The following GALNT10 variants were observed in gnomAD, a reference collection of about 807,000 sequenced individuals.
The protein encoded by GALNT10 is polypeptide N-acetylgalactosaminyltransferase 10, also known as GalNAc transferase 10.
In GALNT10, 41 loss-of-function variants were observed where a neutral mutation model predicts 75.0. The observed-to-expected ratio is 0.55, with a 90% CI of 0.43 to 0.71. GALNT10 has a LOEUF of 0.71. GALNT10 is among the 30% of genes least tolerant of loss of function. The pLI is 0.00. For synonymous variants in GALNT10, 302 were observed against 313.0 expected, an observed-to-expected ratio of 0.96 and a Z score of 0.37; for missense variants, 727 against 818.5, an observed-to-expected ratio of 0.89 and a Z score of 1.36.
chr5:154,268,744 T>C (rs1457554297), intron 1 of GALNT10, among the ~76,000 whole-genome samples: 1 of 152,214 alleles, frequency 6.6e-6, no homozygotes, highest in Non-Finnish European at 1.5e-5. Context: ...TAATAAAGTT[T>C]AAATTATACT....
intron 1 of GALNT10, among the ~76,000 whole-genome samples, chr5:154,227,951 C>G (rs986594827): frequency 6.6e-6 from 1 of 152,022 alleles, no homozygotes; most frequent in Non-Finnish European, 1.5e-5. Context: ...AGGTGGATCC[C>G]TCATGGCTTG....
intron 2 of GALNT10, among the ~76,000 whole-genome samples, chr5:154,295,297 T>G (rs1190082304): frequency 6.6e-6 from 1 of 152,176 alleles, no homozygotes; most frequent in Non-Finnish European, 1.5e-5. Flanking sequence ...GAGCCAGCAT[T>G]TATTGAACAC....
chr5:154,218,044 C>G (rs147603554), intron 1 of GALNT10: 1 of 985,044 alleles, frequency 1.0e-6, no homozygotes, highest in Admixed American at 6.1e-5. Flanking sequence ...TTCCCCACCC[C>G]AGCCTGGGCA....
At chr5:154,410,019 CAATTT>C (rs1756364272) in intron 9 of GALNT10, among the ~76,000 whole-genome samples, 1 of 152,132 alleles carries the variant, frequency 6.6e-6, no homozygotes, top group Admixed American at 6.6e-5. Context: ...TATGCAGTGA[CAATTT>C]AAAATTCAGA....
intron 1 of GALNT10, among the ~76,000 whole-genome samples, chr5:154,246,984 G>A (rs1753436030): frequency 6.6e-6 from 1 of 152,160 alleles, no homozygotes; most frequent in Non-Finnish European, 1.5e-5. Context: ...ATTAATTTTT[G>A]TATAAGGTGT....
chr5:154,199,856 G>T (rs1442591670), intron 1 of GALNT10, among the ~76,000 whole-genome samples: 1 of 152,116 alleles, frequency 6.6e-6, no homozygotes, highest in Non-Finnish European at 1.5e-5. Context: ...CTGACCTCTG[G>T]GGCTTCCTGC....
intron 1 of GALNT10, among the ~76,000 whole-genome samples, chr5:154,192,465 A>C (rs1171143390): frequency 2.0e-5 from 3 of 152,116 alleles, no homozygotes; most frequent in Non-Finnish European, 4.4e-5. Flanking sequence ...CTCTGTTCCT[A>C]TTCAGTACCA....
intron 7 of GALNT10, chr5:154,392,601 C>A (rs10064410): frequency 0.56 from 84,743 of 151,894 alleles, 24,314 homozygotes; most frequent in African/African-American, 0.68. Flanking sequence ...GCTGTGTGGA[C>A]AGCCCTCTGA....
intron 1 of GALNT10, among the ~76,000 whole-genome samples, chr5:154,231,740 G>C (rs1283940583): frequency 6.6e-6 from 1 of 152,154 alleles, no homozygotes; most frequent in Non-Finnish European, 1.5e-5. Flanking sequence ...GGCCATACAT[G>C]TTTGTAGGTC....
intron 1 of GALNT10, among the ~76,000 whole-genome samples, chr5:154,260,356 G>A (rs752657193): frequency 2.6e-5 from 4 of 152,082 alleles, no homozygotes; most frequent in Non-Finnish European, 2.9e-5. Context: ...AGACACTGTC[G>A]GAATGCTTCT....
chr5:154,270,269 A>G (rs923026785), intron 1 of GALNT10, among the ~76,000 whole-genome samples: 1 of 148,778 alleles, frequency 6.7e-6, no homozygotes, highest in Non-Finnish European at 1.5e-5. Flanking sequence ...ACAGTAGAGT[A>G]GGCATTCCTC....
At chr5:154,216,773 G>A (rs980746080) in intron 1 of GALNT10, among the ~76,000 whole-genome samples, 1 of 152,096 alleles carries the variant, frequency 6.6e-6, no homozygotes, top group African/African-American at 2.4e-5. Flanking sequence ...TACTCCAGGT[G>A]GACTATATAA....
intron 4 of GALNT10, among the ~76,000 whole-genome samples, chr5:154,373,537 G>T (rs1755610118): frequency 6.6e-6 from 1 of 152,182 alleles, no homozygotes; most frequent in South Asian, 2.1e-4. Context: ...CCAGTTTGTG[G>T]TGGTGGTGTG....
rs1427069605 is a variant in GALNT10, at chr5:154,190,799, G to T, written c.-68G>T. The T allele has an allele frequency of 5.9e-6, 5 of 847,784 alleles. No individual in the cohort carries two copies. Among genetic ancestry groups the T allele is most frequent in the African/African-American group, 1.8e-5 (1 of 54,146 alleles). The allele number at this position is 847,784 out of a possible 1,614,324, so 52.5% of individuals were successfully genotyped here. A position where few individuals can be genotyped will look rare whatever the true frequency, so the allele number is the denominator to read the frequency against. Reference sequence around the variant, plus strand: ...GAGCTGCTGCCGCCGCCGGGCGGACGGGCGGACGCGCGGAGCTGGGGGCGG... The same window carrying T: ...GAGCTGCTGCCGCCGCCGGGCGGACTGGCGGACGCGCGGAGCTGGGGGCGG... On this transcript the variant is annotated 5_prime_UTR_variant, in exon 1 of 12. Coordinates refer to ENST00000297107, the MANE Select transcript of GALNT10 (RefSeq NM_198321.4).
At chr5:154,323,292 A>T (rs1269157285) in intron 3 of GALNT10, among the ~76,000 whole-genome samples, 1 of 152,176 alleles carries the variant, frequency 6.6e-6, no homozygotes, top group African/African-American at 2.4e-5. Flanking sequence ...GGATCATTTG[A>T]ATCCAGGAGT....
intron 1 of GALNT10, among the ~76,000 whole-genome samples, chr5:154,253,002 G>GTTTTTTTTTTTTTTTTTTTGTT (rs373849888): frequency 1.1e-5 from 1 of 89,862 alleles, no homozygotes; most frequent in Admixed American, 1.1e-4. Flanking sequence ...TTTTTTAGTG[G>GTTTTTTTTTTTTTTTTTTTGTT]TTTTTTTTTT....
In GALNT10 at chr5:154,324,108, A is replaced by C. The variant is rs149198844; in HGVS notation, c.402-5464A>C. Among the ~76,000 whole-genome samples, 5 of 152,330 alleles carry C rather than the reference A, an allele frequency of 3.3e-5. No homozygotes were observed. In the East Asian group the frequency reaches 9.6e-4, roughly 29 times the overall value. ...CTACTGTTTCTAGTTGTGTGACTGC[A>C]TACATTTCTACACCGTCTCTGTGCT... On this transcript the variant is annotated intron_variant, in intron 3 of 11. Transcript: ENST00000297107.
chr5:154,283,178 T>C (rs1023098814), intron 1 of GALNT10, among the ~76,000 whole-genome samples: 1 of 150,940 alleles, frequency 6.6e-6, no homozygotes, highest in Admixed American at 6.6e-5. Flanking sequence ...GCATGATGGC[T>C]CACGCCTGTA....
chr5:154,361,418 G>C (rs1424972608), intron 4 of GALNT10, among the ~76,000 whole-genome samples: 1 of 152,192 alleles, frequency 6.6e-6, no homozygotes, highest in Admixed American at 6.5e-5. Context: ...AGGGCATTAA[G>C]GGAGATAATA....
Sources: gnomAD v4.1 joint callset for allele counts (sites outside exome capture counted in the v4.1 genomes callset) on GRCh38, gnomAD v4.1.1 for gene constraint, MANE v1.5 for transcripts, NCBI Gene and HGNC (gene_info 2026-07-23, HGNC 2026-07-21) for gene names.